STUM: variants seen among roughly 807,000 people sequenced by gnomAD.
The protein encoded by STUM is protein stum homolog.
Under a neutral mutation model 15.3 loss-of-function variants are expected in STUM, and 8 were observed. The ratio of observed to expected loss-of-function variants is 0.52; its 90% CI spans 0.31 to 0.94. The LOEUF (loss-of-function observed/expected upper bound fraction) is 0.94. Among genes scored for constraint, STUM ranks in the 40% least tolerant of loss-of-function variants. STUM has a pLI of 0.05. For missense variants in STUM, 142 were observed against 204.9 expected (o/e 0.69, Z 1.87); for synonymous variants, 78 against 88.7 (o/e 0.88, Z 0.68).
chr1:226,558,026 C>T (rs576911911), intron 1 of STUM, among the ~76,000 whole-genome samples: 3 of 152,184 alleles, frequency 2.0e-5, no homozygotes, highest in South Asian at 2.1e-4. Context: ...CCACAGCTAA[C>T]GTTATACTCA....
At chr1:226,578,237 T>A (rs1353693111) in intron 1 of STUM, among the ~76,000 whole-genome samples, 1 of 152,152 alleles carries the variant, frequency 6.6e-6, no homozygotes, top group Non-Finnish European at 1.5e-5. Flanking sequence ...TATTTTTAAT[T>A]TTAAAAATGT....
At chr1:226,563,636 A>T (rs1424302452) in intron 1 of STUM, among the ~76,000 whole-genome samples, 1 of 152,252 alleles carries the variant, frequency 6.6e-6, no homozygotes, top group Non-Finnish European at 1.5e-5. Context: ...GCAGATCCCA[A>T]TGCTGCAGAG....
At chr1:226,562,699 T>A (rs1667562818) in intron 1 of STUM, among the ~76,000 whole-genome samples, 1 of 152,184 alleles carries the variant, frequency 6.6e-6, no homozygotes, top group Admixed American at 6.5e-5. Context: ...CTGGCCTGTA[T>A]TCTTCAAAAG....
chr1:226,577,697 A>C (rs1181955025), intron 1 of STUM, among the ~76,000 whole-genome samples: 1 of 152,204 alleles, frequency 6.6e-6, no homozygotes, highest in Non-Finnish European at 1.5e-5. Context: ...AGGGGGGGCC[A>C]GCAGCAGCCG....
chr1:226,548,818 G>A lies in STUM; in HGVS notation c.-87G>A. Reference sequence around the variant, plus strand: ...GCCGCCTGAGCTCGGCGCGGAGCCCGGAGCCCGCAGCCGACAGTCTCCTGC... The same window carrying A: ...GCCGCCTGAGCTCGGCGCGGAGCCCAGAGCCCGCAGCCGACAGTCTCCTGC... On this transcript the variant is annotated 5_prime_UTR_variant, in exon 1 of 4. Transcript: ENST00000366788. 1.8e-6 allele frequency: 2 copies of A among 1,112,636 alleles called. No homozygotes were observed. Among genetic ancestry groups the A allele is most frequent in the Non-Finnish European group, 2.3e-6 (2 of 881,352 alleles). The allele number at this position is 1,112,636 out of a possible 1,614,324, so 68.9% of individuals were successfully genotyped here.
chr1:226,587,863 G>A (rs1490983288), intron 1 of STUM, among the ~76,000 whole-genome samples: 1 of 152,064 alleles, frequency 6.6e-6, no homozygotes, highest in Admixed American at 6.5e-5. Flanking sequence ...TTGGCCACTG[G>A]GAACTGCCGA....
intron 1 of STUM, among the ~76,000 whole-genome samples, chr1:226,592,540 G>A (rs1668107595): frequency 6.6e-6 from 1 of 152,180 alleles, no homozygotes; most frequent in Non-Finnish European, 1.5e-5. Flanking sequence ...AAGAATAAGA[G>A]GTAATGTAGG....
chr1:226,573,837 A>AC (rs979266298), intron 1 of STUM, among the ~76,000 whole-genome samples: 1 of 145,772 alleles, frequency 6.9e-6, no homozygotes, highest in Non-Finnish European at 1.5e-5. Context: ...TGTACAATAT[A>AC]CTTTTTTTTT....
At chr1:226,580,486 T>C (rs376705319) in intron 1 of STUM, among the ~76,000 whole-genome samples, 128 of 152,082 alleles carry the variant, frequency 8.4e-4, no homozygotes, top group African/African-American at 2.4e-3. Flanking sequence ...GGCTTCAACA[T>C]TTCATGGTTG....
chr1:226,556,178 TA>T (rs1432468048), intron 1 of STUM, among the ~76,000 whole-genome samples: 1 of 152,176 alleles, frequency 6.6e-6, no homozygotes, highest in African/African-American at 2.4e-5. Context: ...AGTGGTCAGT[TA>T]ACGATGATAC....
At chr1:226,590,635 G>A (rs140828397) in intron 1 of STUM, among the ~76,000 whole-genome samples, 332 of 152,244 alleles carry the variant, frequency 2.2e-3, no homozygotes, top group Admixed American at 4.3e-3. Flanking sequence ...CCTTGTCTCT[G>A]ACTCAGCTCT....
chr1:226,581,210 G>A (rs952298194), intron 1 of STUM, among the ~76,000 whole-genome samples: 1 of 152,202 alleles, frequency 6.6e-6, no homozygotes, highest in African/African-American at 2.4e-5. Context: ...TTGCAGAGGA[G>A]GCTGGGACAT....
At chr1:226,586,211 G>A (rs781463713) in intron 1 of STUM, among the ~76,000 whole-genome samples, 2 of 152,194 alleles carry the variant, frequency 1.3e-5, no homozygotes, top group Non-Finnish European at 2.9e-5. Flanking sequence ...CACGCCCAGT[G>A]TGTGTAGCCA....
At chr1:226,593,740 G>A (rs1668126331) in intron 1 of STUM, among the ~76,000 whole-genome samples, 1 of 152,216 alleles carries the variant, frequency 6.6e-6, no homozygotes, top group African/African-American at 2.4e-5. Flanking sequence ...CTCTGTGCCA[G>A]GAACACAGTG....
chr1:226,549,061 G>A lies in STUM; in HGVS notation c.157G>A (p.Val53Met), dbSNP rs905156303. The A allele has an allele frequency of 8.2e-6, 13 of 1,581,198 alleles. No individual in the cohort carries two copies. In the African/African-American group the frequency reaches 1.7e-4, roughly 20 times the overall value. The part of the protein sequence containing the change: ...RAAIPYMPFP[V>M]AVICLFLNTF... ...CGCCATCCCCTACATGCCCTTCCCC[G>A]TGGCCGTCATCTGCCTCTTCCTCAA... The change falls in exon 1 of 4, where the codon GTG (valine) becomes ATG (methionine). Residue 53 changes from valine (V) to methionine (M), a missense_variant. Transcript: ENST00000366788. The surrounding 1 kb of genome is among the most constrained non-coding windows in gnomAD (Gnocchi z 6.8).
At chr1:226,555,886 C>T (rs1412172616) in intron 1 of STUM, among the ~76,000 whole-genome samples, 4 of 152,072 alleles carry the variant, frequency 2.6e-5, no homozygotes, top group Admixed American at 6.6e-5. Context: ...CTAGTACATA[C>T]CTATATCATA....
intron 1 of STUM, among the ~76,000 whole-genome samples, chr1:226,586,758 G>T (rs141933866): frequency 6.6e-6 from 1 of 152,290 alleles, no homozygotes; most frequent in Admixed American, 6.5e-5. Context: ...TGGTAGCCGT[G>T]TTGTCTCCTA....
At chr1:226,590,548 CTT>C (rs2102707658) in intron 1 of STUM, among the ~76,000 whole-genome samples, 1 of 152,300 alleles carries the variant, frequency 6.6e-6, no homozygotes, top group South Asian at 2.1e-4. Context: ...CCCCTAGGGT[CTT>C]TCCTTGAATT....
Position 226,552,385 on chromosome 1 carries a change from T to C in STUM, c.202+3279T>C, listed in dbSNP as rs1388253874. Among the ~76,000 whole-genome samples, 1 of 152,210 alleles carries C rather than the reference T, an allele frequency of 6.6e-6. No homozygotes were observed. Among genetic ancestry groups the C allele is most frequent in the Non-Finnish European group, 1.5e-5 (1 of 68,038 alleles). On this transcript the variant is annotated intron_variant, in intron 1 of 3. Transcript: ENST00000366788. The surrounding 1 kb of genome is among the most constrained non-coding windows in gnomAD (Gnocchi z 4.7). ...GAAACTCTACTAATAAAGACCACCGTTGGTACCTTCATGTTCCAACAATTA... is the reference window on the plus strand; with the variant it reads ...GAAACTCTACTAATAAAGACCACCGCTGGTACCTTCATGTTCCAACAATTA...
Sources: gnomAD v4.1 joint callset for allele counts (sites outside exome capture counted in the v4.1 genomes callset) on GRCh38, gnomAD v4.1.1 for gene constraint, Gnocchi (gnomAD v3.1) non-coding constraint, MANE v1.5 for transcripts, NCBI Gene and HGNC (gene_info 2026-07-23, HGNC 2026-07-21) for gene names.